ZNF318: variants seen among roughly 807,000 people sequenced by gnomAD.
ZNF318 encodes the protein endocrine regulator.
In ZNF318, 51 loss-of-function variants were observed where a neutral mutation model predicts 124.2. That is an observed-to-expected ratio of 0.41 (90% CI 0.33 to 0.52). ZNF318 has a LOEUF of 0.52. ZNF318 is among the 20% of genes least tolerant of loss of function. The probability of loss-of-function intolerance (pLI) is 0.23; values close to 1 mark genes in which losing one functional copy is unlikely to be tolerated. For missense variants in ZNF318, 2,815 were observed against 2,811.2 expected, an observed-to-expected ratio of 1.00 and a Z score of -0.03; for synonymous variants, 1,090 against 1,040.7, an observed-to-expected ratio of 1.05 and a Z score of -0.91.
chr6:43,338,744 T>C lies in ZNF318; in HGVS notation c.5254A>G (p.Arg1752Gly). The change falls in exon 10 of 10, where the codon AGA (arginine) becomes GGA (glycine). Residue 1752 changes from arginine to glycine, a missense_variant. Arg to Gly is a moderately radical substitution (Grantham distance 125, BLOSUM62 -2). Transcript: ENST00000361428. ...ESQKLVEIHLRESVNQDKESQ... is the reference protein window; with the variant it reads ...ESQKLVEIHLGESVNQDKESQ... ...TCCTTATCCTGGTTAACAGATTCTC[T>C]GAGGTGGATTTCTACCAACTTCTGA... is the stretch of plus-strand genomic sequence containing the variant. 1.2e-6 allele frequency: 2 copies of C among 1,614,202 alleles called. No homozygotes were observed. Among genetic ancestry groups the C allele is most frequent in the Non-Finnish European group, 8.5e-7 (1 of 1,180,040 alleles).
chr6:43,355,869 G>A lies in ZNF318; in HGVS notation c.1465C>T (p.Arg489Ter). Reference protein sequence around the residue: ...NLDLKAEGPERHTDFLLPHER... With the variant: ...NLDLKAEGPE ...TGGGGCAGCAGGAAGTCTGTGTGTC[G>A]CTCAGGTCCCTCAGCCTTCAAATCC... Residue 489 changes from arginine (R) to a stop codon, truncating the protein, a stop_gained, in exon 4 of 10, where the codon CGA (arginine) becomes TGA (stop). Transcript: ENST00000361428. LOFTEE classifies it high-confidence loss of function. 1.2e-6 allele frequency: 2 copies of A among 1,614,208 alleles called. No homozygotes were observed. Among genetic ancestry groups the A allele is most frequent in the Non-Finnish European group, 8.5e-7 (1 of 1,180,026 alleles).
rs1562138904 is a variant in ZNF318, at chr6:43,369,255, G to A, written c.111C>T (p.Arg37=). The stretch of plus-strand genomic sequence containing the variant: ...AGGGCGGAGGCGGCGGTGAGCTGCG[G>A]CGAGCCGGGCCTGAGGAGGAGCCAG... ...RSSGSSSGPA[R]RSSPPPPPSG... Residue 37 remains arginine (R), a synonymous_variant, in exon 1 of 10, where the codon CGC becomes CGT. Transcript: ENST00000361428. The A allele has an allele frequency of 1.6e-6, 2 of 1,261,684 alleles. No individual in the cohort carries two copies. The highest frequency in any genetic ancestry group is 2.0e-6 in the Non-Finnish European group (2 of 1,002,368). 78.2% of individuals were successfully genotyped at this position (1,261,684 alleles called of 1,614,324 possible).
intron 6 of ZNF318, 94 bp from the exon 7 acceptor site, chr6:43,342,973 G>C: frequency 1.5e-5 from 14 of 913,788 alleles, no homozygotes; most frequent in Non-Finnish European, 2.1e-5. Context: ...ATAGAAATAG[G>C]GCCATATGAC....
Position 43,355,923 on chromosome 6 carries a change from C to G in ZNF318, c.1411G>C (p.Gly471Arg). 6.2e-7 allele frequency: 1 copy of G among 1,614,180 alleles called. No homozygotes were observed. Among genetic ancestry groups the G allele is most frequent in the Non-Finnish European group, 8.5e-7 (1 of 1,180,026 alleles). ...TTATCCTTGTGGCATAGAAAACTTCCAAATTTTTCTCTGAGAGGACTGTTG... is the reference window on the plus strand; with the variant it reads ...TTATCCTTGTGGCATAGAAAACTTCGAAATTTTTCTCTGAGAGGACTGTTG... ...KDNSPLREKF[G>R]SFLCHKDNLD... Residue 471 changes from glycine (G) to arginine (R), a missense_variant, in exon 4 of 10, where the codon GGA becomes CGA. Transcript: ENST00000361428.
rs1779341533 is a variant in ZNF318 at position 43,339,635 on chromosome 6, G to C, written c.4363C>G (p.Pro1455Ala). The change falls in exon 10 of 10, where the codon CCC becomes GCC. Residue 1455 changes from proline (P) to alanine (A), a missense_variant. By Grantham distance (27) the Pro-to-Ala change is conservative. This residue lies in a region of ZNF318 where 500 missense variants were observed against 605.2 expected (regional missense o/e 0.83). Transcript: ENST00000361428. The surrounding 1 kb of genome is among the most constrained non-coding windows in gnomAD (Gnocchi z 4.2). Reference sequence around the variant, plus strand: ...GCAGCTGGATGAGGTATAACGGGGGGTGGTGGAGGTGGTGGAGGTGGGGGT... The same window carrying C: ...GCAGCTGGATGAGGTATAACGGGGGCTGGTGGAGGTGGTGGAGGTGGGGGT... ...PPPPPPPPPP[P>A]PVIPHPAAPS... The C allele has an allele frequency of 6.2e-7, 1 of 1,610,570 alleles. No individual in the cohort carries two copies. The highest frequency in any genetic ancestry group is 8.5e-7 in the Non-Finnish European group (1 of 1,178,740).
chr6:43,340,322 C>A lies in ZNF318; in HGVS notation c.3676G>T (p.Asp1226Tyr). Residue 1226 changes from aspartate (D) to tyrosine (Y), a missense_variant, in exon 10 of 10, where the codon GAT becomes TAT. Asp to Tyr is a radical substitution (Grantham distance 160). Transcript: ENST00000361428. ...KAKAVKEVKE[D>Y]DKVSEKLEDQ... Reference sequence around the variant, plus strand: ...TCTAATTTCTCAGAGACCTTGTCATCCTCCTTTACTTCTTTCACAGCCTTT... The same window carrying A: ...TCTAATTTCTCAGAGACCTTGTCATACTCCTTTACTTCTTTCACAGCCTTT... The A allele has an allele frequency of 1.2e-6, 2 of 1,614,122 alleles. No individual in the cohort carries two copies. Among genetic ancestry groups the A allele is most frequent in the African/African-American group, 1.3e-5 (1 of 75,004 alleles).
intron 7 of ZNF318, 37 bp downstream of exon 7, chr6:43,342,639 G>C (rs1376489346): frequency 6.3e-7 from 1 of 1,597,520 alleles, no homozygotes; most frequent in South Asian, 1.1e-5. Context: ...AAGAGAGTGA[G>C]GGTGGGAGTG....
chr6:43,365,435 G>A lies in ZNF318; in HGVS notation c.405C>T (p.Arg135=). The A allele has an allele frequency of 6.2e-7, 1 of 1,613,398 alleles. No homozygotes were observed. Among genetic ancestry groups the A allele is most frequent in the Non-Finnish European group, 8.5e-7 (1 of 1,179,754 alleles). ...AAGAGTCAGAACACAGACCAGGAGA[G>A]CGTCTCTACAAAAGTAAAGGATAAT... ...DHPGDSGSRR[R]SPGLCSDSLE... Residue 135 remains arginine, a synonymous_variant, in exon 2 of 10, where the codon CGC becomes CGT. Coordinates refer to ENST00000361428, the MANE Select transcript of ZNF318 (RefSeq NM_014345.3).
In ZNF318 at chr6:43,337,359, C is replaced by T. The variant is rs139964158; in HGVS notation, c.6639G>A (p.Ser2213=). 2,594 of 1,614,102 alleles carry T rather than the reference C, an allele frequency of 1.6e-3. 24 individuals carry two copies. In the Middle Eastern group the frequency reaches 0.029, roughly 18 times the overall value. ...TTGCCACCTCTGTGGTGGATGCATTCGATATTTCTAGCTGTAATGGCCCCA... is the reference window on the plus strand; with the variant it reads ...TTGCCACCTCTGTGGTGGATGCATTTGATATTTCTAGCTGTAATGGCCCCA... ...LELGPLQLEI[S]NASTTEVAIL... Residue 2213 remains serine, a synonymous_variant, in exon 10 of 10, where the codon TCG becomes TCA. Transcript: ENST00000361428.
At position 43,339,702 on chromosome 6, in the gene ZNF318, C is replaced by CTCACTCTTT. The variant is rs1779343471; in HGVS notation, c.4287_4295dup (p.Lys1430_Glu1432dup). The CTCACTCTTT allele has an allele frequency of 1.9e-5, 31 of 1,613,918 alleles. No individual in the cohort carries two copies. The highest frequency in any genetic ancestry group is 2.5e-5 in the Non-Finnish European group (30 of 1,180,006). ...GTATTTGTTCAGGTAAATGAGATGG[C>CTCACTCTTT]TCACTCTTTTCAGCCAACACCACTT... On this transcript the variant is annotated inframe_insertion, in exon 10 of 10. Coordinates refer to ENST00000361428, the MANE Select transcript of ZNF318 (RefSeq NM_014345.3). The surrounding 1 kb of genome is among the most constrained non-coding windows in gnomAD (Gnocchi z 4.2).
At position 43,339,632 on chromosome 6, in the gene ZNF318, G is replaced by A. The variant is rs140165940; in HGVS notation, c.4366C>T (p.Pro1456Ser). Residue 1456 changes from proline (P) to serine (S), a missense_variant, in exon 10 of 10, where the codon CCC (proline) becomes TCC (serine). Pro to Ser is a moderately conservative substitution (Grantham distance 74). Coordinates refer to ENST00000361428, the MANE Select transcript of ZNF318 (RefSeq NM_014345.3). The surrounding 1 kb of genome is among the most constrained non-coding windows in gnomAD (Gnocchi z 4.2). ...GGGGCAGCTGGATGAGGTATAACGG[G>A]GGGTGGTGGAGGTGGTGGAGGTGGG... ...PPPPPPPPPP[P>S]VIPHPAAPSA... is the part of the protein sequence containing the mutation. 1.9e-6 allele frequency: 3 copies of A among 1,612,742 alleles called. No individual in the cohort carries two copies. Among genetic ancestry groups the A allele is most frequent in the Non-Finnish European group, 1.7e-6 (2 of 1,179,652 alleles).
chr6:43,357,303 C>T lies in ZNF318; in HGVS notation c.1011G>A (p.Gln337=). The change falls in exon 3 of 10, where the codon CAG becomes CAA. Residue 337 remains glutamine, a synonymous_variant. Coordinates refer to ENST00000361428, the MANE Select transcript of ZNF318 (RefSeq NM_014345.3). ...CACCACCATCAACTCCAACCAGCTC[C>T]TGACTCAAGCTCCTACTTCGCTCCT... The part of the protein sequence containing the change: ...EEEERSRSLS[Q]ELVGVDGGGT... 6.2e-7 allele frequency: 1 copy of T among 1,614,218 alleles called. No individual in the cohort carries two copies. Among genetic ancestry groups the T allele is most frequent in the African/African-American group, 1.3e-5 (1 of 75,060 alleles).
rs750079011 is a variant in ZNF318 at position 43,339,800 on chromosome 6, G to A, written c.4198C>T (p.Leu1400Phe). The part of the protein sequence containing the change: ...PVVKESSADL[L>F]LPPDIISKAF... ...TTGGAGATGATGTCTGGAGGTAAGA[G>A]GAGATCAGCTGAAGACTCTTTAACC... The change falls in exon 10 of 10, where the codon CTC becomes TTC. Residue 1400 changes from leucine (L) to phenylalanine (F), a missense_variant. Leu to Phe is a conservative substitution (Grantham distance 22, BLOSUM62 0). Transcript: ENST00000361428. The surrounding 1 kb of genome is among the most constrained non-coding windows in gnomAD (Gnocchi z 4.2). The A allele has an allele frequency of 1.2e-6, 2 of 1,614,162 alleles. No homozygotes were observed. Among genetic ancestry groups the A allele is most frequent in the Non-Finnish European group, 1.7e-6 (2 of 1,180,018 alleles).
chr6:43,357,674 T>C lies in ZNF318; in HGVS notation c.640A>G (p.Ser214Gly), dbSNP rs749592810. The C allele has an allele frequency of 1.9e-6, 3 of 1,613,572 alleles. No individual in the cohort carries two copies. Among genetic ancestry groups the C allele is most frequent in the Non-Finnish European group, 2.5e-6 (3 of 1,180,014 alleles). ...TCATCAAGTTGTCCCAAGAAGGGAC[T>C]GAGAGGCCCTTCCTCCTGGGAAATA... The part of the protein sequence containing the change: ...RYISQEEGPL[S>G]PFLGQLDEDY... Residue 214 changes from serine (S) to glycine (G), a missense_variant, in exon 3 of 10, where the codon AGT (serine) becomes GGT (glycine). Around this residue, in one of 4 missense-constraint regions of ZNF318, gnomAD observed 1,377 missense variants for 1,353.5 expected, o/e 1.02. Coordinates refer to ENST00000361428, the MANE Select transcript of ZNF318 (RefSeq NM_014345.3).
rs773103068 is a variant in ZNF318 at position 43,338,931 on chromosome 6, A to G, written c.5067T>C (p.Ile1689=). 5.3e-5 allele frequency: 86 copies of G among 1,613,996 alleles called. No homozygotes were observed. In the Admixed American group the frequency reaches 7.0e-4, roughly 13 times the overall value. ...TGGCCAAAGTGTCTGTCTTTGGGGTAATTGTTTCATAAGGCCTGCTTTGGC... is the reference window on the plus strand; with the variant it reads ...TGGCCAAAGTGTCTGTCTTTGGGGTGATTGTTTCATAAGGCCTGCTTTGGC... ...RLCQSRPYET[I]TPKTDTLAIW... The change falls in exon 10 of 10, where the codon ATT becomes ATC. Residue 1689 remains isoleucine, a synonymous_variant. Coordinates refer to ENST00000361428, the MANE Select transcript of ZNF318 (RefSeq NM_014345.3).
chr6:43,337,409 G>C lies in ZNF318; in HGVS notation c.6589C>G (p.Pro2197Ala). 3.1e-6 allele frequency: 5 copies of C among 1,614,134 alleles called. No individual in the cohort carries two copies. Among genetic ancestry groups the C allele is most frequent in the South Asian group, 1.1e-5 (1 of 91,078 alleles). Reference sequence around the variant, plus strand: ...AACTCCAGGGAACTACATTTAGAAGGGTCACCTGGCTCAGAGAGTGGAGAA... The same window carrying C: ...AACTCCAGGGAACTACATTTAGAAGCGTCACCTGGCTCAGAGAGTGGAGAA... The part of the protein sequence containing the change: ...LCSPLSEPGD[P>A]SKCSSLELGP... The change falls in exon 10 of 10, where the codon CCT becomes GCT. Residue 2197 changes from proline (P) to alanine (A), a missense_variant. Transcript: ENST00000361428.
In ZNF318 at chr6:43,355,594, T is replaced by C. The variant is rs770226161; in HGVS notation, c.1740A>G (p.Glu580=). Residue 580 remains glutamate, a synonymous_variant, in exon 4 of 10, where the codon GAA becomes GAG. Transcript: ENST00000361428. The part of the protein sequence containing the change: ...LPSSAPAVKL[E]SLEETNPEYA... The stretch of plus-strand genomic sequence containing the variant: ...ATTCTGGATTGGTCTCTTCTAGTGA[T>C]TCTAGCTTTACAGCTGGAGCTGAAG... The C allele has an allele frequency of 3.7e-6, 6 of 1,614,078 alleles. No homozygotes were observed. Among genetic ancestry groups the C allele is most frequent in the African/African-American group, 1.3e-5 (1 of 74,906 alleles).
At chr6:43,362,187 C>A (rs576991029) in intron 2 of ZNF318, among the ~76,000 whole-genome samples, 1 of 151,890 alleles carries the variant, frequency 6.6e-6, no homozygotes, top group Non-Finnish European at 1.5e-5. Flanking sequence ...AGGGGCCAGG[C>A]GCGGTGGCTC....
At chr6:43,342,577 G>T in intron 7 of ZNF318, 99 bp downstream of exon 7, 1 of 1,309,948 alleles carries the variant, frequency 7.6e-7, no homozygotes, top group Non-Finnish European at 1.1e-6. Flanking sequence ...CTGCCCATAT[G>T]AGAATGTTTC....
Sources: allele counts gnomAD v4.1 joint callset (sites outside exome capture counted in the v4.1 genomes callset), GRCh38; gene constraint gnomAD v4.1.1; regional missense constraint gnomAD v4.1.1; non-coding constraint Gnocchi (gnomAD v3.1); transcripts MANE v1.5; gene names NCBI Gene and HGNC (gene_info 2026-07-23, HGNC 2026-07-21).